MMS19: variants seen among roughly 807,000 people sequenced by gnomAD.
MMS19 encodes the protein MMS19 cytosolic iron-sulfur assembly component, also known as MMS19 nucleotide excision repair protein homolog.
MMS19 carries 77 observed loss-of-function variants against 129.8 expected under a neutral mutation model. The ratio of observed to expected loss-of-function variants is 0.59; its 90% CI spans 0.49 to 0.72. The LOEUF (loss-of-function observed/expected upper bound fraction) is 0.72, where lower values mean the gene tolerates loss of function less well. Among genes scored for constraint, MMS19 ranks in the 30% least tolerant of loss-of-function variants. The pLI is 0.00. For synonymous variants in MMS19, 491 were observed against 502.8 expected (o/e 0.98, Z 0.31); for missense variants, 1,168 against 1,266.3 (o/e 0.92, Z 1.18).
In MMS19 at chr10:97,469,012, A is replaced by T; in HGVS notation, c.1017T>A (p.Ala339=). The stretch of plus-strand genomic sequence containing the variant: ...AGGAGTCAAGGAGGTCCTCAGCATC[A>T]GCCCTCAGCACAGAGCGAGACAAAC... ...TACLSRSVLR[A]DAEDLLDSFL... Residue 339 remains alanine, a synonymous_variant, in exon 12 of 31, where the codon GCT becomes GCA. Coordinates refer to ENST00000438925, the MANE Select transcript of MMS19 (RefSeq NM_022362.5). 1 of 1,588,022 alleles carries T rather than the reference A, an allele frequency of 6.3e-7. No homozygotes were observed. Among genetic ancestry groups the T allele is most frequent in the Non-Finnish European group, 8.6e-7 (1 of 1,166,930 alleles).
rs1399615472 is a variant in MMS19, at chr10:97,466,542, C to G, written c.1467G>C (p.Leu489=). Residue 489 remains leucine (L), a synonymous_variant, in exon 16 of 31, where the codon CTG becomes CTC. Transcript: ENST00000438925. ...CCTCCTTCAGGAAGCTCAGTCTGTA[C>G]AGGTGACCCACTGCCAGCTCCAAGT... ...YEDLELAVGH[L]YRLSFLKEDS... The G allele has an allele frequency of 1.2e-6, 2 of 1,613,892 alleles. No homozygotes were observed.
At position 97,460,915 on chromosome 10, in the gene MMS19, G is replaced by T; in HGVS notation, c.2404C>A (p.Leu802Ile). The T allele has an allele frequency of 6.3e-7, 1 of 1,578,646 alleles. No homozygotes were observed. The highest frequency in any genetic ancestry group is 1.2e-5 in the South Asian group (1 of 86,344). Residue 802 changes from leucine to isoleucine, a missense_variant, in exon 24 of 31, where the codon CTT becomes ATT. Around this residue, in one of 3 missense-constraint regions of MMS19, gnomAD observed 831 missense variants for 910.8 expected, o/e 0.91. Coordinates refer to ENST00000438925, the MANE Select transcript of MMS19 (RefSeq NM_022362.5). Reference protein sequence around the residue: ...GPCRSQAFTLLLWVTKALVLR... With the variant: ...GPCRSQAFTLILWVTKALVLR... ...CCACTCCAACTCCTTACCCAGAGAA[G>T]AAGAGTGAAGGCCTGACTACGACAG...
intron 8 of MMS19, among the ~76,000 whole-genome samples, chr10:97,471,933 C>T (rs1373002195): frequency 6.6e-6 from 1 of 152,076 alleles, no homozygotes; most frequent in Non-Finnish European, 1.5e-5. Flanking sequence ...AGAGGTCCAA[C>T]AGAAGATTAA....
chr10:97,479,351 C>T (rs527294976), intron 3 of MMS19, among the ~76,000 whole-genome samples: 48 of 152,288 alleles, frequency 3.2e-4, no homozygotes, highest in Middle Eastern at 3.4e-3. Flanking sequence ...CTGAACCTCA[C>T]ATTGACACGC....
At position 97,470,223 on chromosome 10, in the gene MMS19, T is replaced by C. The variant is rs2034397827; in HGVS notation, c.772-20A>G. The C allele has an allele frequency of 1.9e-6, 3 of 1,577,212 alleles. No individual in the cohort carries two copies. The highest frequency in any genetic ancestry group is 2.6e-6 in the Non-Finnish European group (3 of 1,155,244). On this transcript the variant is annotated intron_variant, in intron 9 of 30. Transcript: ENST00000438925. Reference sequence around the variant, plus strand: ...CAGAAACTGTGGGACAGAAGGAAGATCTTAAGCCTGAGATGGGTGGTGTGT... The same window carrying C: ...CAGAAACTGTGGGACAGAAGGAAGACCTTAAGCCTGAGATGGGTGGTGTGT...
At chr10:97,476,492 C>T (rs757664073) in intron 8 of MMS19, among the ~76,000 whole-genome samples, 191 bp downstream of exon 8, 2 of 152,192 alleles carry the variant, frequency 1.3e-5, no homozygotes, top group Non-Finnish European at 2.9e-5. Flanking sequence ...TAAGAATTCC[C>T]CCCAATACAT....
chr10:97,458,638 CAGTT>C lies in MMS19; in HGVS notation c.*50_*53del. On this transcript the variant is annotated 3_prime_UTR_variant, in exon 31 of 31. Transcript: ENST00000438925. Reference sequence around the variant, plus strand: ...CCCTGCTTTGGGGAAGATGGCTCAACAGTTAGTAATCCCAGGTTAGATTGTCAGA... The same window carrying C: ...CCCTGCTTTGGGGAAGATGGCTCAACAGTAATCCCAGGTTAGATTGTCAGA... 6.5e-7 allele frequency: 1 copy of C among 1,545,980 alleles called. No homozygotes were observed. The highest frequency in any genetic ancestry group is 8.8e-7 in the Non-Finnish European group (1 of 1,142,070).
chr10:97,459,100 T>TG (rs1021221091), intron 29 of MMS19, 123 bp downstream of exon 29: 2 of 1,040,044 alleles, frequency 1.9e-6, no homozygotes, highest in African/African-American at 3.2e-5. Context: ...ACAAGATCTG[T>TG]ACCTTGTAAT....
At chr10:97,488,707 C>T (rs1036619925) in intron 1 of MMS19, among the ~76,000 whole-genome samples, 2 of 152,196 alleles carry the variant, frequency 1.3e-5, no homozygotes, top group African/African-American at 4.8e-5. Flanking sequence ...GGTACAGTTG[C>T]TATTTTTTCC....
upstream of MMS19, chr10:97,498,537 AGGGGCG>A: frequency 9.5e-7 from 1 of 1,056,110 alleles, no homozygotes. Context: ...AGTTCCAGGG[AGGGGCG>A]GGGCCTGAAA....
chr10:97,470,139 A>G lies in MMS19; in HGVS notation c.836T>C (p.Leu279Pro), dbSNP rs1358846112. The change falls in exon 10 of 31, where the codon CTA (leucine) becomes CCA (proline). Residue 279 changes from leucine to proline, a missense_variant. By Grantham distance (98) the Leu-to-Pro change is moderately conservative (BLOSUM62 -3). Transcript: ENST00000438925. ...SEVLSAKLDSLQTLNACCAVY... is the reference protein window; with the variant it reads ...SEVLSAKLDSPQTLNACCAVY... ...AGAAAAATCACTCACCAGAGTCTGT[A>G]GAGAATCCAACTTGGCACTCAGAAC... 4.4e-6 allele frequency: 7 copies of G among 1,607,518 alleles called. No homozygotes were observed. The highest frequency in any genetic ancestry group is 5.1e-6 in the Non-Finnish European group (6 of 1,176,300).
Position 97,459,129 on chromosome 10 carries a change from C to T in MMS19, c.2964+94G>A, listed in dbSNP as rs144283417. The T allele has an allele frequency of 8.9e-6, 11 of 1,233,010 alleles. No homozygotes were observed. The African/African-American group carries it at 1.5e-4, about 17-fold the overall frequency. 76.4% of individuals were successfully genotyped at this position (1,233,010 alleles called of 1,614,324 possible). ...TTGTAATTCAGATCTCAATTACACA[C>T]CAGGGTGGCCAAGCCCACCTGACTA... On this transcript the variant is annotated intron_variant, in intron 29 of 30. Transcript: ENST00000438925.
At chr10:97,464,424 G>C (rs1010807516) in intron 18 of MMS19, among the ~76,000 whole-genome samples, 2 of 152,176 alleles carry the variant, frequency 1.3e-5, no homozygotes, top group African/African-American at 4.8e-5. Context: ...AACAGCTGCT[G>C]GATCAACCAC....
intron 10 of MMS19, among the ~76,000 whole-genome samples, 176 bp downstream of exon 10, chr10:97,469,953 G>C (rs1042646036): frequency 3.3e-5 from 5 of 152,168 alleles, no homozygotes; most frequent in Non-Finnish European, 5.9e-5. Context: ...TATGGGATGG[G>C]GGATGGGACA....
Position 97,458,686 on chromosome 10 carries a change from G to A in MMS19, c.*6C>T, listed in dbSNP as rs1186943222. ...TGTCAGAACAGTCTAGGCCAGGACT[G>A]AGGGCTCAGCTGCCAGGGCTCCCCA... On this transcript the variant is annotated 3_prime_UTR_variant, in exon 31 of 31. Transcript: ENST00000438925. 1 of 1,606,930 alleles carries A rather than the reference G, an allele frequency of 6.2e-7. No homozygotes were observed. The highest frequency in any genetic ancestry group is 8.5e-7 in the Non-Finnish European group (1 of 1,176,464).
chr10:97,497,426 C>T (rs1033127122), intron 1 of MMS19, among the ~76,000 whole-genome samples: 3 of 151,914 alleles, frequency 2.0e-5, no homozygotes, highest in Non-Finnish European at 4.4e-5. Context: ...ACGAAATTTC[C>T]AAAGTTTTTT....
chr10:97,459,949 G>T, intron 26 of MMS19, 97 bp downstream of exon 26: 2 of 1,318,878 alleles, frequency 1.5e-6, no homozygotes, highest in Non-Finnish European at 1.1e-6. Context: ...CCACAATATA[G>T]CTCTAAAGAA....
rs1467069086 is a variant in MMS19, at chr10:97,480,779, C to T, written c.262+163G>A. 1.9e-5 allele frequency: 12 copies of T among 641,232 alleles called. No homozygotes were observed. In the East Asian group the frequency reaches 3.4e-4, roughly 18 times the overall value. The allele number at this position is 641,232 out of a possible 1,614,324, so 39.7% of individuals were successfully genotyped here. On this transcript the variant is annotated intron_variant, in intron 3 of 30. Coordinates refer to ENST00000438925, the MANE Select transcript of MMS19 (RefSeq NM_022362.5). ...AATCCATGTGTCTTGTGTCTCAATT[C>T]TAATCATCTCTGCCACATATACCAG... is the stretch of plus-strand genomic sequence containing the variant.
At chr10:97,463,000 A>G (rs1186848453) in intron 19 of MMS19, 4 of 296,112 alleles carry the variant, frequency 1.4e-5, no homozygotes, top group Non-Finnish European at 2.5e-5. Flanking sequence ...CTGGAGATGC[A>G]AGGAAAAAAA....
Sources: allele counts gnomAD v4.1 joint callset (sites outside exome capture counted in the v4.1 genomes callset), GRCh38; gene constraint gnomAD v4.1.1; regional missense constraint gnomAD v4.1.1; transcripts MANE v1.5; gene names NCBI Gene and HGNC (gene_info 2026-07-23, HGNC 2026-07-21).